Variants in ARSB observed in about 807,000 individuals in gnomAD.
The protein encoded by ARSB is arylsulfatase B, also known as N-acetylgalactosamine-4-sulfatase.
A neutral mutation model predicts 50.9 loss-of-function variants in ARSB; 41 were observed. That is an observed-to-expected ratio of 0.81 (90% CI 0.63 to 1.04). The LOEUF is 1.04. Among genes scored for constraint, ARSB ranks in the 50% least tolerant of loss-of-function variants. The probability of loss-of-function intolerance (pLI) is 0.00; values close to 1 mark genes in which losing one functional copy is unlikely to be tolerated. For missense variants in ARSB, 672 were observed against 693.3 expected, an observed-to-expected ratio of 0.97 and a Z score of 0.35; for synonymous variants, 269 against 284.8, an observed-to-expected ratio of 0.94 and a Z score of 0.56.
At chr5:78,943,247 G>A (rs964224536) in intron 4 of ARSB, among the ~76,000 whole-genome samples, 74 of 152,294 alleles carry the variant, frequency 4.9e-4, no homozygotes, top group African/African-American at 1.7e-3. Context: ...TTGCCAGTCT[G>A]TGTCTTTTAA....
chr5:78,938,894 G>A (rs1052017182), intron 4 of ARSB, among the ~76,000 whole-genome samples: 12 of 152,126 alleles, frequency 7.9e-5, no homozygotes, highest in African/African-American at 2.2e-4. Context: ...AACAGGATCC[G>A]GTCACTGTCC....
intron 6 of ARSB, among the ~76,000 whole-genome samples, chr5:78,828,878 T>A (rs541221635): frequency 6.6e-6 from 1 of 152,300 alleles, no homozygotes; most frequent in African/African-American, 2.4e-5. Flanking sequence ...TGATTCTAGA[T>A]TATTTATCCA....
chr5:78,972,545 C>CACA, intron 1 of ARSB, among the ~76,000 whole-genome samples: 1 of 71,992 alleles, frequency 1.4e-5, no homozygotes, highest in Admixed American at 1.3e-4. Context: ...ACACACACAC[C>CACA]CCAAATCAAA....
chr5:78,869,155 T>C (rs1223056009), intron 5 of ARSB, among the ~76,000 whole-genome samples: 6 of 139,948 alleles, frequency 4.3e-5, no homozygotes, highest in Non-Finnish European at 6.2e-5. Context: ...GCACCCAGAT[T>C]CATAAAGCAA....
chr5:78,789,534 C>A (rs16875915), intron 6 of ARSB, among the ~76,000 whole-genome samples: 1 of 152,124 alleles, frequency 6.6e-6, no homozygotes, highest in Non-Finnish European at 1.5e-5. Flanking sequence ...CAGTTCTTAA[C>A]GATGCATGTA....
chr5:78,977,129 CCTTA>C (rs1311922149), intron 1 of ARSB, among the ~76,000 whole-genome samples: 9 of 152,018 alleles, frequency 5.9e-5, no homozygotes, highest in Non-Finnish European at 1.5e-5. Context: ...TTTAAATTCA[CCTTA>C]CTTGTTTGTA....
intron 6 of ARSB, among the ~76,000 whole-genome samples, chr5:78,792,827 T>G (rs112616773): frequency 6.6e-6 from 1 of 151,886 alleles, no homozygotes; most frequent in Non-Finnish European, 1.5e-5. Context: ...AGCTGTCAAG[T>G]CAAGGTGTGA....
intron 4 of ARSB, among the ~76,000 whole-genome samples, chr5:78,944,474 G>T (rs531876546): frequency 3.9e-5 from 6 of 152,182 alleles, no homozygotes; most frequent in Non-Finnish European, 8.8e-5. Context: ...TGTCCTTTCT[G>T]TTTGTTAGTT....
At chr5:78,942,421 G>A (rs1424912045) in intron 4 of ARSB, among the ~76,000 whole-genome samples, 1 of 152,102 alleles carries the variant, frequency 6.6e-6, no homozygotes, top group Non-Finnish European at 1.5e-5. Context: ...TGGGCATTTA[G>A]TGCTACAAAT....
intron 4 of ARSB, among the ~76,000 whole-genome samples, chr5:78,931,905 T>TC (rs1750342814): frequency 6.6e-6 from 1 of 151,982 alleles, no homozygotes; most frequent in South Asian, 2.1e-4. Flanking sequence ...AAAGGGCTCT[T>TC]CCCCCTTCAC....
intron 6 of ARSB, among the ~76,000 whole-genome samples, chr5:78,783,093 G>T (rs1343066980): frequency 6.6e-6 from 1 of 152,124 alleles, no homozygotes; most frequent in Non-Finnish European, 1.5e-5. Flanking sequence ...AGGCCTAGCT[G>T]AATAACATAT....
At chr5:78,802,124 T>C (rs1291379346) in intron 6 of ARSB, among the ~76,000 whole-genome samples, 2 of 152,020 alleles carry the variant, frequency 1.3e-5, no homozygotes, top group Non-Finnish European at 2.9e-5. Flanking sequence ...TGTTAGCTCT[T>C]TCCTCTACCT....
intron 4 of ARSB, among the ~76,000 whole-genome samples, chr5:78,942,655 C>T (rs1380085008): frequency 7.2e-5 from 11 of 152,094 alleles, no homozygotes; most frequent in South Asian, 2.1e-4. Flanking sequence ...AGACAGTTTG[C>T]TATAATTTCT....
At chr5:78,859,556 A>G (rs1746325459) in intron 5 of ARSB, among the ~76,000 whole-genome samples, 1 of 152,160 alleles carries the variant, frequency 6.6e-6, no homozygotes, top group Non-Finnish European at 1.5e-5. Flanking sequence ...ACCATATGCC[A>G]AAGTCCCAAG....
rs187038745 is a variant in ARSB at position 78,821,563 on chromosome 5, C to T, written c.1213+17793G>A. On this transcript the variant is annotated intron_variant, in intron 6 of 7. Transcript: ENST00000264914. ...GAAAGCACATGCAAACTACTTCTGA[C>T]AAGGTTTAGTGGTGAGAGTGAGGCA... Among the ~76,000 whole-genome samples the T allele has an allele frequency of 2.6e-5, 4 of 152,272 alleles. No homozygotes were observed. The East Asian group carries it at 7.7e-4, about 29-fold the overall frequency.
intron 1 of ARSB, among the ~76,000 whole-genome samples, chr5:78,983,323 G>A (rs1040659563): frequency 6.6e-6 from 1 of 152,186 alleles, no homozygotes; most frequent in Admixed American, 6.5e-5. Flanking sequence ...AAAGTGCTGG[G>A]ATTACAGGCG....
intron 6 of ARSB, among the ~76,000 whole-genome samples, chr5:78,831,070 G>C (rs1002569339): frequency 1.6e-4 from 24 of 152,106 alleles, no homozygotes; most frequent in African/African-American, 5.3e-4. Context: ...AATACATAAA[G>C]TGAAAAGTGC....
intron 6 of ARSB, among the ~76,000 whole-genome samples, chr5:78,794,814 G>A (rs879843000): frequency 6.6e-6 from 1 of 152,180 alleles, no homozygotes; most frequent in Non-Finnish European, 1.5e-5. Flanking sequence ...GACTGTCATA[G>A]GCACTTACTA....
At chr5:78,939,111 TG>T (rs1398207080) in intron 4 of ARSB, among the ~76,000 whole-genome samples, 1 of 152,194 alleles carries the variant, frequency 6.6e-6, no homozygotes, top group Non-Finnish European at 1.5e-5. Context: ...ACTCTGGCCA[TG>T]GGCTTCACTC....
Sources: gnomAD v4.1 joint callset for allele counts (sites outside exome capture counted in the v4.1 genomes callset) on GRCh38, gnomAD v4.1.1 for gene constraint, MANE v1.5 for transcripts, NCBI Gene and HGNC (gene_info 2026-07-23, HGNC 2026-07-21) for gene names.